ZNRF1: variants seen among roughly 807,000 people sequenced by gnomAD.
ZNRF1 encodes zinc and ring finger 1.
In ZNRF1, 3 loss-of-function variants were observed where a neutral mutation model predicts 18.4. The ratio of observed to expected loss-of-function variants is 0.16; its 90% CI spans 0.07 to 0.42. The LOEUF (loss-of-function observed/expected upper bound fraction) is 0.42. Ranked by LOEUF, ZNRF1 falls within the 10% of genes least tolerant of loss-of-function variation. The probability of loss-of-function intolerance (pLI) is 0.99; values close to 1 mark genes in which losing one functional copy is unlikely to be tolerated. For synonymous variants in ZNRF1, 157 were observed against 144.2 expected, an observed-to-expected ratio of 1.09 and a Z score of -0.64; for missense variants, 310 against 329.8, an observed-to-expected ratio of 0.94 and a Z score of 0.47.
chr16:75,057,775 G>A (rs1367391001), intron 1 of ZNRF1, among the ~76,000 whole-genome samples: 1 of 152,074 alleles, frequency 6.6e-6, no homozygotes, highest in Admixed American at 6.6e-5. Context: ...AGAGTAGCTG[G>A]GATTACAGGT....
At chr16:75,102,577 C>T (rs566953294) in intron 2 of ZNRF1, among the ~76,000 whole-genome samples, 6 of 152,318 alleles carry the variant, frequency 3.9e-5, no homozygotes, top group South Asian at 2.1e-4. Flanking sequence ...TTGTTCACGT[C>T]GCCTCTTTTC....
chr16:75,095,686 G>T lies in ZNRF1; in HGVS notation c.520+2019G>T, dbSNP rs953979957. ...TGCAAGAGCAGCCGTGGAGGACAGA[G>T]TGCTCTTGGGCCCCCATGGCCCAAA... On this transcript the variant is annotated intron_variant, in intron 2 of 4. Transcript: ENST00000335325. 13 of 1,549,630 alleles carry T rather than the reference G, an allele frequency of 8.4e-6. No homozygotes were observed. The African/African-American group carries it at 1.8e-4, about 21-fold the overall frequency.
intron 1 of ZNRF1, among the ~76,000 whole-genome samples, chr16:75,038,795 G>A (rs1487273394): frequency 6.6e-6 from 1 of 152,138 alleles, no homozygotes; most frequent in Non-Finnish European, 1.5e-5. Flanking sequence ...TGTGCAAGAT[G>A]ATGAGTCCTC....
At chr16:75,058,870 T>C (rs1380120747) in intron 1 of ZNRF1, among the ~76,000 whole-genome samples, 1 of 152,226 alleles carries the variant, frequency 6.6e-6, no homozygotes, top group Non-Finnish European at 1.5e-5. Flanking sequence ...TGTGCCTTAG[T>C]TGAGAGTGTT....
chr16:75,013,076 T>C (rs1373518816), intron 1 of ZNRF1, among the ~76,000 whole-genome samples: 1 of 152,184 alleles, frequency 6.6e-6, no homozygotes, highest in Non-Finnish European at 1.5e-5. Flanking sequence ...TTTTAACTCC[T>C]TCAAACAAGG....
intron 4 of ZNRF1, chr16:75,106,858 A>G: frequency 3.3e-6 from 1 of 301,944 alleles, no homozygotes; most frequent in South Asian, 4.3e-5. Flanking sequence ...GTTCAGGAAT[A>G]TCCCCTGGGA....
intron 1 of ZNRF1, among the ~76,000 whole-genome samples, chr16:75,060,731 G>A (rs1234984074): frequency 2.0e-5 from 3 of 152,168 alleles, no homozygotes; most frequent in Non-Finnish European, 4.4e-5. Context: ...ACTTGCCTCG[G>A]CCTCCCAAAG....
At chr16:75,036,568 CTTT>C (rs111306434) in intron 1 of ZNRF1, among the ~76,000 whole-genome samples, 4 of 137,320 alleles carry the variant, frequency 2.9e-5, no homozygotes, top group African/African-American at 5.4e-5. Flanking sequence ...TCATCTGTTT[CTTT>C]TTTTTTTTTT....
At chr16:75,001,208 G>A (rs933387747) in intron 1 of ZNRF1, among the ~76,000 whole-genome samples, 3 of 152,122 alleles carry the variant, frequency 2.0e-5, no homozygotes, top group African/African-American at 7.2e-5. Context: ...TTTATGGAGG[G>A]TAATATCTGT....
At chr16:75,053,671 A>G (rs1455986648) in intron 1 of ZNRF1, among the ~76,000 whole-genome samples, 1 of 151,904 alleles carries the variant, frequency 6.6e-6, no homozygotes, top group South Asian at 2.1e-4. Context: ...CCTAATGCCC[A>G]TGATAGATGT....
intron 1 of ZNRF1, among the ~76,000 whole-genome samples, chr16:75,031,244 G>A (rs2035299167): frequency 6.6e-6 from 1 of 151,008 alleles, no homozygotes; most frequent in Admixed American, 6.6e-5. Flanking sequence ...TCATTCTCCT[G>A]CCTCAGCCTC....
intron 1 of ZNRF1, among the ~76,000 whole-genome samples, chr16:75,022,490 C>T (rs1393241462): frequency 5.9e-5 from 9 of 151,500 alleles, no homozygotes; most frequent in Admixed American, 2.6e-4. Context: ...GGCGTGAACC[C>T]GGGAGGCGGA....
intron 1 of ZNRF1, among the ~76,000 whole-genome samples, chr16:75,041,530 C>A (rs184297366): frequency 9.9e-5 from 15 of 151,540 alleles, no homozygotes; most frequent in Non-Finnish European, 1.9e-4. Flanking sequence ...GGGGTTTCAC[C>A]ATGTTGGCCA....
intron 1 of ZNRF1, among the ~76,000 whole-genome samples, chr16:75,073,146 C>CTCTCTCTCTCTGTCTCTG (rs146902791): frequency 7.8e-6 from 1 of 128,662 alleles, no homozygotes; most frequent in Non-Finnish European, 1.6e-5. Context: ...CTCTCTCTCT[C>CTCTCTCTCTCTGTCTCTG]TCTCTCTGTC....
chr16:75,086,681 A>G (rs527658054), intron 1 of ZNRF1, among the ~76,000 whole-genome samples: 24 of 152,304 alleles, frequency 1.6e-4, no homozygotes, highest in African/African-American at 5.5e-4. Flanking sequence ...GTCCCATTTT[A>G]TTGACACTAA....
chr16:75,007,380 T>C (rs2034935777), intron 1 of ZNRF1, among the ~76,000 whole-genome samples: 1 of 152,192 alleles, frequency 6.6e-6, no homozygotes, highest in Non-Finnish European at 1.5e-5. Context: ...AAGCAGCAGC[T>C]GAAATAGTTT....
intron 4 of ZNRF1, 143 bp downstream of exon 4, chr16:75,106,714 G>A (rs2036320263): frequency 3.2e-6 from 2 of 621,114 alleles, no homozygotes; most frequent in Non-Finnish European, 5.7e-6. Context: ...TCAGTGAGCA[G>A]TTAGTCATCC....
At chr16:75,022,036 A>G (rs547313208) in intron 1 of ZNRF1, among the ~76,000 whole-genome samples, 34 of 152,164 alleles carry the variant, frequency 2.2e-4, no homozygotes, top group Admixed American at 8.5e-4. Context: ...GTAATTCCTT[A>G]TCTCTGTTTT....
chr16:75,106,662 G>A (rs1022450937), intron 4 of ZNRF1, 91 bp downstream of exon 4: 2 of 985,630 alleles, frequency 2.0e-6, no homozygotes, highest in Admixed American at 2.1e-5. Context: ...CTGCCCTTAT[G>A]CCACTGAGAA....
Sources: gnomAD v4.1 joint callset for allele counts (sites outside exome capture counted in the v4.1 genomes callset) on GRCh38, gnomAD v4.1.1 for gene constraint, MANE v1.5 for transcripts, NCBI Gene and HGNC (gene_info 2026-07-23, HGNC 2026-07-21) for gene names.